EMILIN2: variants seen among roughly 807,000 people sequenced by gnomAD.
EMILIN2 encodes the protein elastin microfibril interfacer 2.
A neutral mutation model predicts 87.1 loss-of-function variants in EMILIN2; 71 were observed. That is an observed-to-expected ratio of 0.82 (90% CI 0.67 to 0.99). The LOEUF is 0.99. Among genes scored for constraint, EMILIN2 ranks in the 50% least tolerant of loss-of-function variants. The pLI is 0.00. For synonymous variants in EMILIN2, 581 were observed against 563.4 expected (o/e 1.03, Z -0.44); for missense variants, 1,407 against 1,371.8 (o/e 1.03, Z -0.40).
intron 5 of EMILIN2, among the ~76,000 whole-genome samples, 178 bp downstream of exon 5, chr18:2,907,263 C>T (rs902663728): frequency 5.3e-5 from 8 of 152,202 alleles, no homozygotes; most frequent in Non-Finnish European, 1.0e-4. Context: ...GTCCAGCACA[C>T]GGAGGCCGGG....
intron 4 of EMILIN2, among the ~76,000 whole-genome samples, chr18:2,904,835 C>T (rs992785854): frequency 2.0e-5 from 3 of 152,126 alleles, no homozygotes; most frequent in African/African-American, 4.8e-5. Flanking sequence ...TAGAGTTTCA[C>T]GACTGTGGGC....
intron 2 of EMILIN2, among the ~76,000 whole-genome samples, chr18:2,884,236 G>A (rs2076791807): frequency 6.6e-6 from 1 of 151,580 alleles, no homozygotes; most frequent in Non-Finnish European, 1.5e-5. Context: ...GATTACAGGC[G>A]TGAGCCACCG....
intron 7 of EMILIN2, 45 bp from the exon 8 acceptor site, chr18:2,913,022 T>C (rs745397301): frequency 6.3e-7 from 1 of 1,593,150 alleles, no homozygotes; most frequent in Non-Finnish European, 8.5e-7. Context: ...TGGCAAGGGC[T>C]GTGACGACAG....
At chr18:2,846,831 C>A (rs2076576371), upstream of EMILIN2, 1 of 985,284 alleles carries the variant, frequency 1.0e-6, no homozygotes, top group African/African-American at 1.7e-5. This position sits in a 1 kb window ranked among gnomAD's most constrained non-coding sequence, Gnocchi z 5.3. Flanking sequence ...TATCCCAAAC[C>A]CTTTCGCCCC....
rs1555665466 is a variant in EMILIN2 at position 2,858,583 on chromosome 18, GTATA to G, written c.257+10668_257+10671del. 3.6e-4 allele frequency among the ~76,000 whole-genome samples: 23 copies of G among 63,040 alleles called. 1 individual carries two copies. Among genetic ancestry groups the G allele is most frequent in the African/African-American group, 2.1e-3 (23 of 10,698 alleles). 41.4% of individuals were successfully genotyped at this position (63,040 alleles called of 152,430 possible). Reference sequence around the variant, plus strand: ...TATATATATATATGTGTGTGTGTGTGTATATATATATATATATATGTGTATATAT... The same window carrying G: ...TATATATATATATGTGTGTGTGTGTGTATATATATATATATGTGTATATAT... On this transcript the variant is annotated intron_variant, in intron 2 of 7. Transcript: ENST00000254528.
intron 4 of EMILIN2, chr18:2,906,576 G>T: frequency 2.6e-6 from 1 of 381,612 alleles, no homozygotes; most frequent in Non-Finnish European, 4.6e-6. Context: ...CCCGGGCAGG[G>T]GTCCCCGGCG....
chr18:2,886,077 T>C (rs188727963), intron 3 of EMILIN2, among the ~76,000 whole-genome samples: 1 of 152,374 alleles, frequency 6.6e-6, no homozygotes, highest in Non-Finnish European at 1.5e-5. Flanking sequence ...GACATTTTGT[T>C]ATAGAACCTT....
At chr18:2,905,281 C>T (rs1355756076) in intron 4 of EMILIN2, among the ~76,000 whole-genome samples, 1 of 100,082 alleles carries the variant, frequency 1.0e-5, no homozygotes, top group East Asian at 2.8e-4. Flanking sequence ...GTTCTGGCAA[C>T]CTGCCTCTGT....
rs910373668 is a variant in EMILIN2 at position 2,876,171 on chromosome 18, C to T, written c.258-8793C>T. The stretch of plus-strand genomic sequence containing the variant: ...TAATTTTTTGTATTTTTAGTAGAGA[C>T]GGGGTTTCACAATGTTAGCCAGGAT... On this transcript the variant is annotated intron_variant, in intron 2 of 7. Transcript: ENST00000254528. Among the ~76,000 whole-genome samples, 6 of 151,550 alleles carry T rather than the reference C, an allele frequency of 4.0e-5. No individual in the cohort carries two copies. In the East Asian group the frequency reaches 9.9e-4, roughly 25 times the overall value.
At chr18:2,870,185 G>A (rs1352428014) in intron 2 of EMILIN2, among the ~76,000 whole-genome samples, 5 of 152,148 alleles carry the variant, frequency 3.3e-5, no homozygotes, top group African/African-American at 1.2e-4. Context: ...AGGCTACAGT[G>A]AACTATGATT....
chr18:2,866,479 A>T (rs1022156779), intron 2 of EMILIN2, among the ~76,000 whole-genome samples: 6 of 152,166 alleles, frequency 3.9e-5, no homozygotes, highest in Non-Finnish European at 8.8e-5. Flanking sequence ...TTTGATTCTC[A>T]GCTTGGTCAC....
At position 2,891,096 on chromosome 18, in the gene EMILIN2, C is replaced by T. The variant is rs773075532; in HGVS notation, c.969C>T (p.Asp323=). ...LYQAYVDSKI[D]ALREELMEGM... is the part of the protein sequence containing the mutation. ...AAGCCTATGTGGACAGTAAGATCGA[C>T]GCCCTGAGAGAGGAGCTCATGGAGG... Residue 323 remains aspartate (D), a synonymous_variant, in exon 4 of 8, where the codon GAC becomes GAT. Transcript: ENST00000254528. The surrounding 1 kb of genome is among the most constrained non-coding windows in gnomAD (Gnocchi z 4.6). The T allele has an allele frequency of 1.9e-5, 30 of 1,614,184 alleles. No individual in the cohort carries two copies. The highest frequency in any genetic ancestry group is 4.0e-5 in the African/African-American group (3 of 75,050).
chr18:2,903,819 C>G (rs1051273240), intron 4 of EMILIN2, among the ~76,000 whole-genome samples: 3 of 152,150 alleles, frequency 2.0e-5, no homozygotes, highest in African/African-American at 7.2e-5. Flanking sequence ...CTTGCTCTTT[C>G]TGATCTAACC....
chr18:2,847,983 G>C lies in EMILIN2; in HGVS notation c.257+52G>C. On this transcript the variant is annotated intron_variant, in intron 2 of 7. Coordinates refer to ENST00000254528, the MANE Select transcript of EMILIN2 (RefSeq NM_032048.3). This position sits in a 1 kb window ranked among gnomAD's most constrained non-coding sequence, Gnocchi z 4.5. ...GGGGCGCGCCCGGGCCGGGGCGGTGGGGGTGGGGTGGGGTTGCTGCGCTGG... is the reference window on the plus strand; with the variant it reads ...GGGGCGCGCCCGGGCCGGGGCGGTGCGGGTGGGGTGGGGTTGCTGCGCTGG... 2 of 1,507,960 alleles carry C rather than the reference G, an allele frequency of 1.3e-6. No homozygotes were observed. Among genetic ancestry groups the C allele is most frequent in the South Asian group, 1.2e-5 (1 of 80,602 alleles). The allele number at this position is 1,507,960 out of a possible 1,614,324, so 93.4% of individuals were successfully genotyped here.
chr18:2,890,634 G>T lies in EMILIN2; in HGVS notation c.507G>T (p.Gly169=). ...CTGGTACAGCACAACCAAGCTGGGG[G>T]GTAGATCCAAAAGAGGGGCCTCAGG... The part of the protein sequence containing the change: ...SPTGTAQPSW[G]VDPKEGPQEL... Residue 169 remains glycine (G), a synonymous_variant, in exon 4 of 8, where the codon GGG becomes GGT. Coordinates refer to ENST00000254528, the MANE Select transcript of EMILIN2 (RefSeq NM_032048.3). This position sits in a 1 kb window ranked among gnomAD's most constrained non-coding sequence, Gnocchi z 4.7. The T allele has an allele frequency of 1.9e-6, 3 of 1,613,768 alleles. No homozygotes were observed. Among genetic ancestry groups the T allele is most frequent in the South Asian group, 1.1e-5 (1 of 91,058 alleles).
At chr18:2,897,539 T>C (rs1430190306) in intron 4 of EMILIN2, among the ~76,000 whole-genome samples, 1 of 152,210 alleles carries the variant, frequency 6.6e-6, no homozygotes, top group Non-Finnish European at 1.5e-5. Context: ...TTTTCTTGTT[T>C]TTAAAATTAG....
At chr18:2,885,552 T>C (rs2076799298) in intron 3 of EMILIN2, among the ~76,000 whole-genome samples, 1 of 152,220 alleles carries the variant, frequency 6.6e-6, no homozygotes, top group African/African-American at 2.4e-5. Context: ...GGAGTCTCGC[T>C]CTGTCGCCCA....
intron 2 of EMILIN2, among the ~76,000 whole-genome samples, chr18:2,871,737 T>C (rs1006489214): frequency 6.6e-6 from 1 of 152,214 alleles, no homozygotes; most frequent in African/African-American, 2.4e-5. Flanking sequence ...TGAGAGACAT[T>C]CAGGACCTCA....
At chr18:2,898,248 C>G (rs2076872678) in intron 4 of EMILIN2, among the ~76,000 whole-genome samples, 1 of 152,264 alleles carries the variant, frequency 6.6e-6, no homozygotes, top group South Asian at 2.1e-4. Flanking sequence ...CAGGGTCTGC[C>G]TCCCAGGCAC....
Sources: gnomAD v4.1 joint callset for allele counts (sites outside exome capture counted in the v4.1 genomes callset) on GRCh38, gnomAD v4.1.1 for gene constraint, Gnocchi (gnomAD v3.1) non-coding constraint, MANE v1.5 for transcripts, NCBI Gene and HGNC (gene_info 2026-07-23, HGNC 2026-07-21) for gene names.